Variants in FYB1 observed in about 807,000 individuals in gnomAD.
FYB1 encodes the protein FYN-binding protein 1.
Under a neutral mutation model 94.1 loss-of-function variants are expected in FYB1, and 41 were observed. That is an observed-to-expected ratio of 0.44 (90% CI 0.34 to 0.57). The LOEUF (loss-of-function observed/expected upper bound fraction) is 0.57. Among genes scored for constraint, FYB1 ranks in the 20% least tolerant of loss-of-function variants. FYB1 has a pLI of 0.02. For synonymous variants in FYB1, 367 were observed against 353.2 expected (o/e 1.04, Z -0.44); for missense variants, 1,050 against 976.8 (o/e 1.07, Z -1.00).
chr5:39,228,885 G>C (rs147963316), intron 1 of FYB1, among the ~76,000 whole-genome samples: 112 of 152,254 alleles, frequency 7.4e-4, no homozygotes, highest in African/African-American at 2.6e-3. Flanking sequence ...TATTACAGTT[G>C]ATGACCCCTT....
At chr5:39,263,150 C>T (rs903488932) in intron 1 of FYB1, among the ~76,000 whole-genome samples, 6 of 151,256 alleles carry the variant, frequency 4.0e-5, no homozygotes, top group African/African-American at 1.5e-4. Flanking sequence ...GAATGGAGTG[C>T]TAGAATTGGG....
At chr5:39,220,529 A>C (rs528742614), upstream of FYB1, among the ~76,000 whole-genome samples, 3 of 151,914 alleles carry the variant, frequency 2.0e-5, no homozygotes, top group African/African-American at 7.2e-5. Flanking sequence ...AAGAAAAGAA[A>C]CCCCCCAAAA....
chr5:39,158,956 C>G (rs1033734827), intron 2 of FYB1, among the ~76,000 whole-genome samples: 11 of 152,182 alleles, frequency 7.2e-5, no homozygotes, highest in Non-Finnish European at 1.3e-4. Flanking sequence ...AGCTATTTGT[C>G]TTTGGCAAAT....
At chr5:39,171,597 G>A (rs1183201701) in intron 2 of FYB1, among the ~76,000 whole-genome samples, 1 of 152,170 alleles carries the variant, frequency 6.6e-6, no homozygotes, top group South Asian at 2.1e-4. Flanking sequence ...AGAGGCAACA[G>A]GCAGGCTGTG....
At chr5:39,184,763 C>T (rs964914087) in intron 2 of FYB1, among the ~76,000 whole-genome samples, 8 of 152,044 alleles carry the variant, frequency 5.3e-5, no homozygotes, top group African/African-American at 1.9e-4. Flanking sequence ...CCATCCTTTG[C>T]CCCCAAGTTC....
At chr5:39,270,486 A>C in intron 1 of FYB1, 1 of 1,324,422 alleles carries the variant, frequency 7.6e-7, no homozygotes, top group Non-Finnish European at 1.0e-6. Flanking sequence ...ACTGTGAAGC[A>C]CCCTCAACTC....
chr5:39,130,504 G>A, intron 10 of FYB1, 86 bp downstream of exon 10: 1 of 1,052,756 alleles, frequency 9.5e-7, no homozygotes, highest in Admixed American at 2.0e-5. Context: ...TTCTATGCAT[G>A]TAACAAAATA....
chr5:39,197,573 T>A (rs1231301287), intron 2 of FYB1, among the ~76,000 whole-genome samples: 1 of 152,264 alleles, frequency 6.6e-6, no homozygotes, highest in East Asian at 1.9e-4. Context: ...ATTTATTTAT[T>A]TCTTCCAGGT....
In FYB1 at chr5:39,137,929, C is replaced by T. The variant is rs1223085581; in HGVS notation, c.1395-209G>A. On this transcript the variant is annotated intron_variant, in intron 6 of 18. Coordinates refer to ENST00000512982, the MANE Select transcript of FYB1 (RefSeq NM_001465.6). ...CTGCTGAGGATACCTTCCAAAGGCT[C>T]TGCTTTCCCTGACAACTTGTGCCAG... 5 of 561,602 alleles carry T rather than the reference C, an allele frequency of 8.9e-6. No individual in the cohort carries two copies. The Admixed American group carries it at 1.4e-4, about 16-fold the overall frequency. 34.8% of individuals were successfully genotyped at this position (561,602 alleles called of 1,614,324 possible).
upstream of FYB1, among the ~76,000 whole-genome samples, chr5:39,224,129 A>C (rs1288018545): frequency 6.6e-6 from 1 of 152,228 alleles, no homozygotes; most frequent in African/African-American, 2.4e-5. Context: ...TTCTCAAAGG[A>C]GTAAATAACA....
intron 8 of FYB1, 36 bp from the exon 9 acceptor site, chr5:39,134,385 G>A (rs747491610): frequency 6.6e-7 from 1 of 1,507,210 alleles, no homozygotes; most frequent in South Asian, 1.2e-5. Flanking sequence ...TCAGGCAACT[G>A]TAGTTTAAAT....
At chr5:39,127,540 T>C (rs1226078352) in intron 11 of FYB1, among the ~76,000 whole-genome samples, 1 of 152,058 alleles carries the variant, frequency 6.6e-6, no homozygotes, top group African/African-American at 2.4e-5. Flanking sequence ...TTGAAGTTCT[T>C]CCAAACAATC....
At chr5:39,185,668 A>G (rs1645562413) in intron 2 of FYB1, among the ~76,000 whole-genome samples, 2 of 150,476 alleles carry the variant, frequency 1.3e-5, no homozygotes, top group South Asian at 4.2e-4. Flanking sequence ...TCACACTGGA[A>G]GTAAGAAAAA....
chr5:39,127,059 C>CAAAAAAAAA (rs200980181), intron 11 of FYB1, among the ~76,000 whole-genome samples: 13 of 77,448 alleles, frequency 1.7e-4, no homozygotes, highest in Non-Finnish European at 2.2e-4. Flanking sequence ...ACTCAGGTCT[C>CAAAAAAAAA]AAAAAAAAAA....
At position 39,181,573 on chromosome 5, in the gene FYB1, A is replaced by G. The variant is rs192509696; in HGVS notation, c.1135+20253T>C. 7.7e-4 allele frequency among the ~76,000 whole-genome samples: 118 copies of G among 152,266 alleles called. 2 individuals are homozygous for G. Among genetic ancestry groups the G allele is most frequent in the African/African-American group, 2.7e-3 (114 of 41,550 alleles). ...GCTCCTGTGAGCTCTGGGCCCTTGC[A>G]CTGCCTGCTTATTTGACATCTCCAA... On this transcript the variant is annotated intron_variant, in intron 2 of 18. Transcript: ENST00000512982.
intron 1 of FYB1, among the ~76,000 whole-genome samples, chr5:39,271,034 C>A (rs1188235386): frequency 6.6e-6 from 1 of 151,448 alleles, no homozygotes; most frequent in African/African-American, 2.4e-5. Flanking sequence ...ATAAATAATT[C>A]TTTTTTTGTA....
intron 12 of FYB1, among the ~76,000 whole-genome samples, chr5:39,124,741 T>C (rs1452688485): frequency 6.6e-6 from 1 of 152,048 alleles, no homozygotes; most frequent in Admixed American, 6.6e-5. Flanking sequence ...TGTTTCCCAA[T>C]ATGTGCATAT....
At chr5:39,155,418 A>G (rs933807813) in intron 2 of FYB1, among the ~76,000 whole-genome samples, 2 of 152,238 alleles carry the variant, frequency 1.3e-5, no homozygotes, top group African/African-American at 4.8e-5. Flanking sequence ...ATAGAGGTAG[A>G]CAGAATTAGT....
At chr5:39,178,779 A>G (rs1745956943) in intron 2 of FYB1, among the ~76,000 whole-genome samples, 1 of 152,206 alleles carries the variant, frequency 6.6e-6, no homozygotes, top group Non-Finnish European at 1.5e-5. Flanking sequence ...GGAAATTAAC[A>G]TTGTGTGTAC....
Sources: allele counts gnomAD v4.1 joint callset (sites outside exome capture counted in the v4.1 genomes callset), GRCh38; gene constraint gnomAD v4.1.1; transcripts MANE v1.5; gene names NCBI Gene and HGNC (gene_info 2026-07-23, HGNC 2026-07-21).